Variants in CCDC172 observed in about 807,000 individuals in gnomAD.
CCDC172 encodes the protein coiled-coil domain-containing protein 172.
Under a neutral mutation model 38.0 loss-of-function variants are expected in CCDC172, and 30 were observed. That is an observed-to-expected ratio of 0.79 (90% CI 0.59 to 1.07). The LOEUF (loss-of-function observed/expected upper bound fraction) is 1.07. Among genes scored for constraint, CCDC172 ranks in the 50% least tolerant of loss-of-function variants. The pLI is 0.00. For missense variants in CCDC172, 297 were observed against 290.1 expected (o/e 1.02, Z -0.17); for synonymous variants, 78 against 88.3 (o/e 0.88, Z 0.66).
At chr10:116,368,890 C>A (rs1261433545) in intron 7 of CCDC172, among the ~76,000 whole-genome samples, 1 of 151,948 alleles carries the variant, frequency 6.6e-6, no homozygotes, top group African/African-American at 2.4e-5. Context: ...GTATGTATGT[C>A]TTCTTTCTAG....
intron 7 of CCDC172, among the ~76,000 whole-genome samples, chr10:116,377,882 TA>T (rs1845267189): frequency 6.6e-6 from 1 of 152,138 alleles, no homozygotes. Context: ...TTAGTTATGA[TA>T]AAATTATTAA....
At chr10:116,357,811 T>G (rs1451059209) in intron 6 of CCDC172, 25 bp from the exon 7 acceptor site, 1 of 1,157,520 alleles carries the variant, frequency 8.6e-7, no homozygotes, top group Non-Finnish European at 1.3e-6. Context: ...TTCAAAAGAT[T>G]GCAACTATTT....
intron 5 of CCDC172, among the ~76,000 whole-genome samples, chr10:116,346,311 A>G (rs988197964): frequency 2.7e-5 from 4 of 148,332 alleles, no homozygotes; most frequent in Non-Finnish European, 4.5e-5. Context: ...AAAAAAAAAA[A>G]GGAAGTAAAT....
chr10:116,343,613 C>CT (rs1258376774), intron 5 of CCDC172, among the ~76,000 whole-genome samples: 3 of 150,666 alleles, frequency 2.0e-5, no homozygotes, highest in South Asian at 2.1e-4. Context: ...CGTATCATTC[C>CT]TTTTTTTTAC....
intron 3 of CCDC172, among the ~76,000 whole-genome samples, chr10:116,330,771 T>C (rs1310270046): frequency 6.6e-6 from 1 of 152,148 alleles, no homozygotes; most frequent in East Asian, 1.9e-4. Context: ...TCTCACTCTG[T>C]TACCCAGATT....
intron 7 of CCDC172, among the ~76,000 whole-genome samples, chr10:116,371,126 A>G (rs1315943935): frequency 2.0e-5 from 3 of 151,876 alleles, no homozygotes; most frequent in Non-Finnish European, 4.4e-5. Context: ...CCTGACCTTA[A>G]GGAGATTGAC....
At chr10:116,331,404 T>C (rs1844661110) in intron 3 of CCDC172, among the ~76,000 whole-genome samples, 1 of 152,152 alleles carries the variant, frequency 6.6e-6, no homozygotes, top group Non-Finnish European at 1.5e-5. Context: ...TGCTGTGTGA[T>C]ATGTACCACC....
chr10:116,370,766 T>A lies in CCDC172; in HGVS notation c.654-7657T>A, dbSNP rs1285008062. ...AATTTGCCTAGCATCAAGGAAAAAA[T>A]TTGTATTTTTATCAGGATCATATTC... On this transcript the variant is annotated intron_variant, in intron 7 of 8. Transcript: ENST00000333254. Among the ~76,000 whole-genome samples the A allele has an allele frequency of 2.6e-5, 4 of 151,674 alleles. No individual in the cohort carries two copies. The East Asian group carries it at 5.8e-4, about 22-fold the overall frequency.
At chr10:116,339,427 TG>T (rs1844767539) in intron 3 of CCDC172, among the ~76,000 whole-genome samples, 1 of 151,954 alleles carries the variant, frequency 6.6e-6, no homozygotes. Flanking sequence ...AGTTTCCCCT[TG>T]TTATAAATTT....
At chr10:116,371,280 T>C (rs1399674215) in intron 7 of CCDC172, among the ~76,000 whole-genome samples, 1 of 151,900 alleles carries the variant, frequency 6.6e-6, no homozygotes, top group Non-Finnish European at 1.5e-5. Context: ...TTAAACACCC[T>C]TTCAGCACCT....
intron 3 of CCDC172, among the ~76,000 whole-genome samples, chr10:116,333,698 C>CT (rs1844694142): frequency 6.6e-6 from 1 of 152,116 alleles, no homozygotes; most frequent in Non-Finnish European, 1.5e-5. Context: ...AGTATTTGTG[C>CT]TTTGCTGGTC....
chr10:116,331,059 C>A (rs982547098), intron 3 of CCDC172, among the ~76,000 whole-genome samples: 4 of 152,040 alleles, frequency 2.6e-5, no homozygotes, highest in African/African-American at 9.7e-5. Context: ...TTCCATTAAG[C>A]CAGATGTTAA....
At chr10:116,379,294 C>T (rs772670004) in intron 8 of CCDC172, 29 bp from the exon 9 acceptor site, 3 of 1,440,116 alleles carry the variant, frequency 2.1e-6, no homozygotes, top group Admixed American at 2.1e-5. Context: ...TACTTTTCCT[C>T]ATGAGTAATT....
intron 7 of CCDC172, among the ~76,000 whole-genome samples, chr10:116,369,666 T>C (rs1439503522): frequency 6.6e-6 from 1 of 152,078 alleles, no homozygotes; most frequent in African/African-American, 2.4e-5. Flanking sequence ...TTACAAATAA[T>C]GCTGCAATAA....
chr10:116,342,129 G>A lies in CCDC172; in HGVS notation c.376G>A (p.Glu126Lys). 6.4e-7 allele frequency: 1 copy of A among 1,550,936 alleles called. No individual in the cohort carries two copies. The highest frequency in any genetic ancestry group is 8.6e-7 in the Non-Finnish European group (1 of 1,158,838). The change falls in exon 5 of 9, where the codon GAG (glutamate) becomes AAG (lysine). Residue 126 changes from glutamate (E) to lysine (K), a missense_variant. By Grantham distance (56) the Glu-to-Lys change is moderately conservative. Transcript: ENST00000333254. Reference protein sequence around the residue: ...NNDYEITKKRELLMKENVKIE... With the variant: ...NNDYEITKKRKLLMKENVKIE... The stretch of plus-strand genomic sequence containing the variant: ...TGATTATGAAATAACAAAGAAAAGA[G>A]AGCTTTTGATGAAAGAAAATGTCAA...
intron 3 of CCDC172, among the ~76,000 whole-genome samples, chr10:116,338,986 C>T (rs991352034): frequency 6.6e-6 from 1 of 151,974 alleles, no homozygotes; most frequent in African/African-American, 2.4e-5. Context: ...ATTATTTGGT[C>T]TCTAAAGCAT....
chr10:116,341,766 A>G (rs144107549), intron 4 of CCDC172, among the ~76,000 whole-genome samples: 3 of 152,018 alleles, frequency 2.0e-5, no homozygotes, highest in Non-Finnish European at 4.4e-5. Context: ...ACAAATAAAC[A>G]GATATAATGA....
At chr10:116,373,754 C>T (rs1350322891) in intron 7 of CCDC172, among the ~76,000 whole-genome samples, 2 of 152,154 alleles carry the variant, frequency 1.3e-5, no homozygotes, top group African/African-American at 4.8e-5. Flanking sequence ...ATCTGCCCAC[C>T]TTGGCTTCCC....
intron 7 of CCDC172, among the ~76,000 whole-genome samples, chr10:116,376,324 G>A (rs1450671303): frequency 6.6e-6 from 1 of 152,144 alleles, no homozygotes; most frequent in African/African-American, 2.4e-5. Context: ...TCACTTTGTT[G>A]CTGGCCCAGG....
Sources: allele counts gnomAD v4.1 joint callset (sites outside exome capture counted in the v4.1 genomes callset), GRCh38; gene constraint gnomAD v4.1.1; transcripts MANE v1.5; gene names NCBI Gene and HGNC (gene_info 2026-07-23, HGNC 2026-07-21).